The following AHR variants were observed in gnomAD, a reference collection of about 807,000 sequenced individuals.
AHR encodes the protein aryl hydrocarbon receptor, also known as AH-receptor.
Under a neutral mutation model 86.8 loss-of-function variants are expected in AHR, and 40 were observed. The observed-to-expected ratio is 0.46, with a 90% CI of 0.36 to 0.60. AHR has a LOEUF of 0.60. Ranked by LOEUF, AHR falls within the 20% of genes least tolerant of loss-of-function variation. The pLI, the probability that AHR is intolerant of heterozygous loss-of-function variation, is 0.00. For synonymous variants in AHR, 398 were observed against 354.9 expected (o/e 1.12, Z -1.37); for missense variants, 1,001 against 1,011.6 (o/e 0.99, Z 0.14).
intron 1 of AHR, among the ~76,000 whole-genome samples, chr7:17,305,374 T>C (rs6951212): frequency 0.56 from 85,376 of 151,918 alleles, 24,818 homozygotes; most frequent in Middle Eastern, 0.66. Context: ...GGGAAGGAAA[T>C]GAAGAATGAA....
chr7:17,314,968 A>C (rs935192353), intron 2 of AHR, among the ~76,000 whole-genome samples: 1 of 152,062 alleles, frequency 6.6e-6, no homozygotes, highest in Non-Finnish European at 1.5e-5. Flanking sequence ...AATTTGATTT[A>C]CCCATGGCAT....
At chr7:17,323,275 TTAAA>T (rs1178065392) in intron 3 of AHR, among the ~76,000 whole-genome samples, 4 of 152,170 alleles carry the variant, frequency 2.6e-5, no homozygotes, top group Admixed American at 6.6e-5. Context: ...AATGCATTTC[TTAAA>T]TAGTTTAAAA....
At chr7:17,311,335 T>C (rs895912293) in intron 2 of AHR, among the ~76,000 whole-genome samples, 1 of 152,196 alleles carries the variant, frequency 6.6e-6, no homozygotes, top group African/African-American at 2.4e-5. Flanking sequence ...TCTTGTTCAG[T>C]AGCTTTAGGT....
chr7:17,302,559 T>C (rs1781965296), intron 1 of AHR, among the ~76,000 whole-genome samples: 1 of 152,110 alleles, frequency 6.6e-6, no homozygotes, highest in African/African-American at 2.4e-5. Context: ...TAGCTTTAGA[T>C]AGCATATACA....
At chr7:17,310,379 A>G (rs1782050363) in intron 2 of AHR, among the ~76,000 whole-genome samples, 1 of 152,120 alleles carries the variant, frequency 6.6e-6, no homozygotes, top group African/African-American at 2.4e-5. Flanking sequence ...AGTTACACTC[A>G]AATTGATTAT....
chr7:17,316,507 T>C (rs1327548413), intron 2 of AHR, among the ~76,000 whole-genome samples: 1 of 152,228 alleles, frequency 6.6e-6, no homozygotes, highest in East Asian at 1.9e-4. Context: ...ATCCCAGTTA[T>C]TCGTGACACT....
At chr7:17,325,981 C>T (rs1205661838) in intron 3 of AHR, among the ~76,000 whole-genome samples, 2 of 152,102 alleles carry the variant, frequency 1.3e-5, no homozygotes, top group African/African-American at 2.4e-5. Flanking sequence ...CAGAACCATG[C>T]ACCAATTTGG....
intron 1 of AHR, 45 bp downstream of exon 1, chr7:17,299,374 G>C: frequency 6.2e-7 from 1 of 1,601,504 alleles, no homozygotes; most frequent in Non-Finnish European, 8.5e-7. Context: ...TGGGCGCTCA[G>C]GCACGCGGGT....
At chr7:17,330,126 CTG>C in intron 5 of AHR, 51 bp downstream of exon 5, 1 of 1,562,250 alleles carries the variant, frequency 6.4e-7, no homozygotes, top group East Asian at 2.3e-5. Flanking sequence ...AAATATGAGT[CTG>C]TGAAAGGAGG....
intron 3 of AHR, among the ~76,000 whole-genome samples, chr7:17,325,380 A>T (rs1050107439): frequency 2.0e-5 from 3 of 152,224 alleles, no homozygotes; most frequent in African/African-American, 7.2e-5. Context: ...CTGTTTGAAA[A>T]AGTATGATGT....
At chr7:17,300,625 A>G (rs1781945881) in intron 1 of AHR, among the ~76,000 whole-genome samples, 1 of 152,198 alleles carries the variant, frequency 6.6e-6, no homozygotes, top group African/African-American at 2.4e-5. Flanking sequence ...GTCTTAAGGG[A>G]ATATTGTCAA....
chr7:17,342,817 A>G, intron 10 of AHR, 104 bp from the exon 11 acceptor site: 3 of 1,136,742 alleles, frequency 2.6e-6, no homozygotes, highest in East Asian at 4.9e-5. Context: ...GAAGTTTACA[A>G]CTCTCAGGGG....
intron 2 of AHR, among the ~76,000 whole-genome samples, chr7:17,315,126 C>CT (rs1782102589): frequency 6.6e-6 from 1 of 151,894 alleles, no homozygotes; most frequent in Non-Finnish European, 1.5e-5. Flanking sequence ...TATGGAACCC[C>CT]TGCAGATTTA....
intron 3 of AHR, among the ~76,000 whole-genome samples, chr7:17,323,185 C>G (rs1782192420): frequency 6.6e-6 from 1 of 152,054 alleles, no homozygotes; most frequent in Admixed American, 6.6e-5. Flanking sequence ...GCAAGAACTC[C>G]TAGAGTATTT....
chr7:17,343,300 G>A lies in AHR; in HGVS notation c.*236G>A, dbSNP rs1032265308. On this transcript the variant is annotated 3_prime_UTR_variant, in exon 11 of 11. Coordinates refer to ENST00000242057, the MANE Select transcript of AHR (RefSeq NM_001621.5). ...AGAAAGGGTGCTGCCACGGAGTGGTGAGGTACCGTCTACATTTCACATTAT... is the reference window on the plus strand; with the variant it reads ...AGAAAGGGTGCTGCCACGGAGTGGTAAGGTACCGTCTACATTTCACATTAT... 1.9e-6 allele frequency: 1 copy of A among 525,380 alleles called. No homozygotes were observed. The highest frequency in any genetic ancestry group is 2.0e-5 in the African/African-American group (1 of 50,678). The allele number at this position is 525,380 out of a possible 1,614,324, so 32.5% of individuals were successfully genotyped here.
chr7:17,310,387 T>C lies in AHR; in HGVS notation c.253+264T>C, dbSNP rs539999001. Reference sequence around the variant, plus strand: ...ATTTAGAAGTTACACTCAAATTGATTATGTCAAATTCCAGTTTCCCTTCTA... The same window carrying C: ...ATTTAGAAGTTACACTCAAATTGATCATGTCAAATTCCAGTTTCCCTTCTA... On this transcript the variant is annotated intron_variant, in intron 2 of 10. Transcript: ENST00000242057. Among the ~76,000 whole-genome samples the C allele has an allele frequency of 2.0e-5, 3 of 152,254 alleles. No individual in the cohort carries two copies. In the South Asian group the frequency reaches 6.2e-4, roughly 32 times the overall value.
rs563330328 is a variant in AHR at position 17,309,849 on chromosome 7, A to G, written c.66-87A>G. The G allele has an allele frequency of 3.5e-6, 4 of 1,133,942 alleles. No homozygotes were observed. The East Asian group carries it at 1.0e-4, about 29-fold the overall frequency. 70.2% of individuals were successfully genotyped at this position (1,133,942 alleles called of 1,614,324 possible). A position where few individuals can be genotyped will look rare whatever the true frequency, so the allele number is the denominator to read the frequency against. On this transcript the variant is annotated intron_variant, in intron 1 of 10. Transcript: ENST00000242057. ...CTTTAAAAGTTTGTTGTGTTAGAGAAATATTTGAGGAGATGTTATAATGCA... is the reference window on the plus strand; with the variant it reads ...CTTTAAAAGTTTGTTGTGTTAGAGAGATATTTGAGGAGATGTTATAATGCA...
At position 17,339,899 on chromosome 7, in the gene AHR, G is replaced by T; in HGVS notation, c.2074G>T (p.Asp692Tyr). The T allele has an allele frequency of 6.2e-7, 1 of 1,614,142 alleles. No individual in the cohort carries two copies. Among genetic ancestry groups the T allele is most frequent in the Non-Finnish European group, 8.5e-7 (1 of 1,180,018 alleles). ...SQEFPYKSEM[D>Y]SMPYTQNFIS... ...AGAGTTCCCCTACAAATCTGAAATGGATTCTATGCCTTATACACAGAACTT... is the reference window on the plus strand; with the variant it reads ...AGAGTTCCCCTACAAATCTGAAATGTATTCTATGCCTTATACACAGAACTT... The change falls in exon 10 of 11, where the codon GAT becomes TAT. Residue 692 changes from aspartate (D) to tyrosine (Y), a missense_variant. By Grantham distance (160) the Asp-to-Tyr change is radical. Transcript: ENST00000242057.
At chr7:17,342,197 G>A (rs1782433535) in intron 10 of AHR, among the ~76,000 whole-genome samples, 20 of 151,998 alleles carry the variant, frequency 1.3e-4, no homozygotes, top group Admixed American at 1.2e-3. Context: ...AAATATAAAG[G>A]CTCTGTAATC....
Sources: gnomAD v4.1 joint callset for allele counts (sites outside exome capture counted in the v4.1 genomes callset) on GRCh38, gnomAD v4.1.1 for gene constraint, MANE v1.5 for transcripts, NCBI Gene and HGNC (gene_info 2026-07-23, HGNC 2026-07-21) for gene names.